ADAMTS6: variants seen among roughly 807,000 people sequenced by gnomAD.
The protein encoded by ADAMTS6 is A disintegrin and metalloproteinase with thrombospondin motifs 6.
Under a neutral mutation model 144.3 loss-of-function variants are expected in ADAMTS6, and 23 were observed. The ratio of observed to expected loss-of-function variants is 0.16; its 90% confidence interval spans 0.11 to 0.23. ADAMTS6 has a LOEUF of 0.23. ADAMTS6 is among the 10% of genes least tolerant of loss of function. ADAMTS6 has a pLI of 1.00. For missense variants in ADAMTS6, 999 were observed against 1,379.6 expected (o/e 0.72, Z 4.37); for synonymous variants, 444 against 457.5 (o/e 0.97, Z 0.38).
intron 23 of ADAMTS6, 146 bp downstream of exon 23, chr5:65,172,686 A>G: frequency 1.1e-6 from 1 of 922,306 alleles, no homozygotes; most frequent in South Asian, 1.8e-5. Flanking sequence ...TGGTTTGTGC[A>G]CTGTTTCACA....
At chr5:65,192,409 A>T (rs1755071684) in intron 21 of ADAMTS6, among the ~76,000 whole-genome samples, 1 of 152,058 alleles carries the variant, frequency 6.6e-6, no homozygotes, top group Non-Finnish European at 1.5e-5. Context: ...TATTAAAATG[A>T]ATAGTTCTCT....
chr5:65,310,074 C>T (rs1744339946), intron 9 of ADAMTS6, among the ~76,000 whole-genome samples: 1 of 151,896 alleles, frequency 6.6e-6, no homozygotes, highest in Non-Finnish European at 1.5e-5. Flanking sequence ...TGAGTGAGTT[C>T]TTGTGAGATC....
intron 24 of ADAMTS6, among the ~76,000 whole-genome samples, chr5:65,155,667 T>C (rs1199415146): frequency 6.6e-6 from 1 of 152,210 alleles, no homozygotes; most frequent in African/African-American, 2.4e-5. Context: ...ATTATGAAAC[T>C]CATGCTGGGT....
chr5:65,372,147 G>T lies in ADAMTS6; in HGVS notation c.1074-38062C>A, dbSNP rs933219070. On this transcript the variant is annotated intron_variant, in intron 7 of 24. Transcript: ENST00000381055. The stretch of plus-strand genomic sequence containing the variant: ...GCGCTAAACATGGAAAGGAACAACC[G>T]GTACCAGCCACTGCAAAATCATGCC... Among the ~76,000 whole-genome samples, 5 of 146,090 alleles carry T rather than the reference G, an allele frequency of 3.4e-5. No individual in the cohort carries two copies. The East Asian group carries it at 9.7e-4, about 28-fold the overall frequency.
chr5:65,458,227 A>G (rs1453037656), intron 4 of ADAMTS6, among the ~76,000 whole-genome samples: 1 of 152,104 alleles, frequency 6.6e-6, no homozygotes, highest in Non-Finnish European at 1.5e-5. Context: ...TCTGGTACCA[A>G]CTATTCTTGA....
rs368191265 is a variant in ADAMTS6 at position 65,452,897 on chromosome 5, G to A, written c.653C>T (p.Pro218Leu). The change falls in exon 5 of 25, where the codon CCT becomes CTT. Residue 218 changes from proline (P) to leucine (L), a missense_variant. Pro to Leu is a moderately conservative substitution (Grantham distance 98). This residue lies in a region of ADAMTS6 where 252 missense variants were observed against 293.7 expected (regional missense o/e 0.86). Coordinates refer to ENST00000381055, the MANE Select transcript of ADAMTS6 (RefSeq NM_197941.4). ...AGTGGATGTGTCATTCAGCCACCAA[G>A]GTTTGCCACTTCTTGTGAAATCTAC... ...GVSDFTRSGK[P>L]WWLNDTSTVS... 140 of 1,613,390 alleles carry A rather than the reference G, an allele frequency of 8.7e-5. 1 individual carries two copies. The East Asian group carries it at 2.0e-3, about 23-fold the overall frequency.
chr5:65,236,296 C>T lies in ADAMTS6; in HGVS notation c.1933+5808G>A, dbSNP rs144546878. Among the ~76,000 whole-genome samples the T allele has an allele frequency of 5.8e-3, 882 of 152,250 alleles. 7 individuals carry two copies. Among genetic ancestry groups the T allele is most frequent in the African/African-American group, 0.02 (844 of 41,568 alleles). On this transcript the variant is annotated intron_variant, in intron 15 of 24. Coordinates refer to ENST00000381055, the MANE Select transcript of ADAMTS6 (RefSeq NM_197941.4). The stretch of plus-strand genomic sequence containing the variant: ...GAACATTCACCAAGAAAAGAGTATT[C>T]TCTAATCTTTTTCTTTCTTTTTTTC...
intron 7 of ADAMTS6, among the ~76,000 whole-genome samples, chr5:65,393,061 C>T (rs532752364): frequency 1.3e-5 from 2 of 152,216 alleles, no homozygotes; most frequent in South Asian, 2.1e-4. Context: ...TATAGTCATT[C>T]ATTGCAAGCC....
intron 22 of ADAMTS6, 104 bp from the exon 23 acceptor site, chr5:65,173,112 C>T (rs2112087719): frequency 1.8e-6 from 2 of 1,131,570 alleles, no homozygotes; most frequent in Middle Eastern, 2.1e-4. Flanking sequence ...ATAGAATATA[C>T]ACATATACTA....
chr5:65,312,804 T>C (rs1342407993), intron 9 of ADAMTS6, among the ~76,000 whole-genome samples: 4 of 151,990 alleles, frequency 2.6e-5, no homozygotes, highest in Non-Finnish European at 5.9e-5. Context: ...AGATGCCAGG[T>C]ACCGGAGGAA....
chr5:65,219,168 A>C (rs915745063), intron 18 of ADAMTS6, among the ~76,000 whole-genome samples: 1 of 152,190 alleles, frequency 6.6e-6, no homozygotes, highest in Non-Finnish European at 1.5e-5. Context: ...AAATGATCTA[A>C]ACAAGAAGTC....
chr5:65,187,725 A>G (rs966035316), intron 22 of ADAMTS6, among the ~76,000 whole-genome samples: 1 of 152,200 alleles, frequency 6.6e-6, no homozygotes, highest in Non-Finnish European at 1.5e-5. Flanking sequence ...GATGTGCTCA[A>G]CAGTAAGAAG....
At chr5:65,220,337 T>C (rs1048535292) in intron 18 of ADAMTS6, among the ~76,000 whole-genome samples, 16 of 152,228 alleles carry the variant, frequency 1.1e-4, no homozygotes, top group Non-Finnish European at 2.1e-4. Context: ...AAAAAATGCT[T>C]GTTTTATAGC....
intron 9 of ADAMTS6, 122 bp downstream of exon 9, chr5:65,329,256 T>C (rs1746474431): frequency 6.6e-6 from 5 of 763,338 alleles, no homozygotes; most frequent in African/African-American, 1.8e-5. Context: ...AATAACATCA[T>C]CTATTGGAAT....
At chr5:65,364,896 T>C (rs967584319) in intron 7 of ADAMTS6, among the ~76,000 whole-genome samples, 2 of 149,848 alleles carry the variant, frequency 1.3e-5, no homozygotes, top group African/African-American at 4.9e-5. Flanking sequence ...AGGCTACTTA[T>C]TATAGATATG....
chr5:65,400,651 T>C (rs1044221441), intron 7 of ADAMTS6, among the ~76,000 whole-genome samples: 3 of 152,224 alleles, frequency 2.0e-5, no homozygotes, highest in Admixed American at 6.5e-5. Context: ...CATTCCTTTT[T>C]CTTTTTGCTT....
At chr5:65,370,697 G>A (rs1351269933) in intron 7 of ADAMTS6, among the ~76,000 whole-genome samples, 2 of 152,238 alleles carry the variant, frequency 1.3e-5, no homozygotes, top group Non-Finnish European at 2.9e-5. Flanking sequence ...GAGGCTGGGG[G>A]AGGGGCGCCC....
intron 18 of ADAMTS6, among the ~76,000 whole-genome samples, chr5:65,221,342 T>C (rs1472887661): frequency 6.6e-6 from 1 of 152,222 alleles, no homozygotes; most frequent in Non-Finnish European, 1.5e-5. Flanking sequence ...ATTTTACATT[T>C]GAAAATCAAT....
At position 65,470,910 on chromosome 5, in the gene ADAMTS6, A is replaced by G; in HGVS notation, c.330T>C (p.His110=). Residue 110 remains histidine (H), a synonymous_variant, in exon 3 of 25, where the codon CAT becomes CAC. Transcript: ENST00000381055. The part of the protein sequence containing the change: ...LTLNTDFVSK[H]FTVEYWGKDG... ...CTTTCCCCCAATATTCTACTGTAAAATGTTTGGACACAAAATCTGTGTTGA... is the reference window on the plus strand; with the variant it reads ...CTTTCCCCCAATATTCTACTGTAAAGTGTTTGGACACAAAATCTGTGTTGA... 6.2e-7 allele frequency: 1 copy of G among 1,612,558 alleles called. No individual in the cohort carries two copies. Among genetic ancestry groups the G allele is most frequent in the Non-Finnish European group, 8.5e-7 (1 of 1,179,624 alleles).
Sources: allele counts gnomAD v4.1 joint callset (sites outside exome capture counted in the v4.1 genomes callset), GRCh38; gene constraint gnomAD v4.1.1; regional missense constraint gnomAD v4.1.1; transcripts MANE v1.5; gene names NCBI Gene and HGNC (gene_info 2026-07-23, HGNC 2026-07-21).